ARHGEF28: variants seen among roughly 807,000 people sequenced by gnomAD.
The protein encoded by ARHGEF28 is 190 kDa guanine nucleotide exchange factor.
A neutral mutation model predicts 206.6 loss-of-function variants in ARHGEF28; 152 were observed. The observed-to-expected ratio is 0.74, with a 90% CI of 0.64 to 0.84. The LOEUF is 0.84. Among genes scored for constraint, ARHGEF28 ranks in the 40% least tolerant of loss-of-function variants. The pLI is 0.00. For missense variants in ARHGEF28, 2,028 were observed against 2,073.2 expected (o/e 0.98, Z 0.42); for synonymous variants, 763 against 776.4 (o/e 0.98, Z 0.29).
At chr5:73,866,482 A>G (rs1245288800) in intron 18 of ARHGEF28, among the ~76,000 whole-genome samples, 6 of 152,230 alleles carry the variant, frequency 3.9e-5, no homozygotes, top group Non-Finnish European at 8.8e-5. Flanking sequence ...AAAAGTCTTC[A>G]AATTTGGAGT....
In ARHGEF28 at chr5:73,909,511, C is replaced by G; in HGVS notation, c.4261C>G (p.Pro1421Ala). ...SLGHSILRGGPLQDQKSRDAD... is the reference protein window; with the variant it reads ...SLGHSILRGGALQDQKSRDAD... Reference sequence around the variant, plus strand: ...CGGCCACTCTATCCTCCGAGGCGGCCCCTTGCAGGACCAGAAGTCTCGCGA... The same window carrying G: ...CGGCCACTCTATCCTCCGAGGCGGCGCCTTGCAGGACCAGAAGTCTCGCGA... The change falls in exon 34 of 36, where the codon CCC becomes GCC. Residue 1421 changes from proline to alanine, a missense_variant. Transcript: ENST00000513042. The G allele has an allele frequency of 6.2e-7, 1 of 1,607,218 alleles. No homozygotes were observed. Among genetic ancestry groups the G allele is most frequent in the Non-Finnish European group, 8.5e-7 (1 of 1,176,970 alleles).
chr5:73,671,716 A>T (rs796996203), intron 1 of ARHGEF28, among the ~76,000 whole-genome samples: 2 of 20,072 alleles, frequency 1.0e-4, no homozygotes, highest in Admixed American at 8.5e-4. Context: ...ATATATATAT[A>T]TATATATATA....
chr5:73,658,876 T>C (rs1278117053), intron 1 of ARHGEF28, among the ~76,000 whole-genome samples: 1 of 152,030 alleles, frequency 6.6e-6, no homozygotes, highest in Non-Finnish European at 1.5e-5. Flanking sequence ...GCTCTGTACA[T>C]TCTCATCTGA....
intron 4 of ARHGEF28, among the ~76,000 whole-genome samples, chr5:73,771,284 T>G (rs1023355671): frequency 2.6e-5 from 4 of 152,242 alleles, no homozygotes; most frequent in African/African-American, 4.8e-5. Flanking sequence ...GGCTCATGCC[T>G]GTAATCCCAG....
At chr5:73,763,325 A>C (rs1169820170) in intron 4 of ARHGEF28, among the ~76,000 whole-genome samples, 1 of 152,196 alleles carries the variant, frequency 6.6e-6, no homozygotes, top group East Asian at 1.9e-4. Flanking sequence ...GCTCATACCC[A>C]AAGAGTGTAA....
At chr5:73,692,749 C>T (rs555882419) in intron 2 of ARHGEF28, among the ~76,000 whole-genome samples, 1 of 152,374 alleles carries the variant, frequency 6.6e-6, no homozygotes, top group South Asian at 2.1e-4. Context: ...GGACTCTTCC[C>T]CAGCTCAGGG....
intron 4 of ARHGEF28, among the ~76,000 whole-genome samples, chr5:73,760,762 C>T (rs929144660): frequency 6.6e-6 from 1 of 152,128 alleles, no homozygotes; most frequent in Admixed American, 6.5e-5. Flanking sequence ...TAGAATTAAA[C>T]TTCTAAGGAA....
At chr5:73,636,069 A>G (rs1743698976) in intron 1 of ARHGEF28, among the ~76,000 whole-genome samples, 1 of 152,204 alleles carries the variant, frequency 6.6e-6, no homozygotes, top group Non-Finnish European at 1.5e-5. Flanking sequence ...CTTGATGTTT[A>G]GTTAGAAAAG....
chr5:73,724,329 A>G (rs1750150048), intron 2 of ARHGEF28, among the ~76,000 whole-genome samples: 1 of 152,230 alleles, frequency 6.6e-6, no homozygotes, highest in Admixed American at 6.5e-5. Flanking sequence ...TTTTTGAGAA[A>G]GAATTGCCCA....
intron 1 of ARHGEF28, among the ~76,000 whole-genome samples, 166 bp downstream of exon 1, chr5:73,626,488 G>T (rs543305590): frequency 2.3e-4 from 35 of 152,208 alleles, no homozygotes; most frequent in African/African-American, 8.4e-4. Context: ...CGGCGCGAGG[G>T]CTGGGCGCCG....
intron 1 of ARHGEF28, among the ~76,000 whole-genome samples, chr5:73,653,885 G>A (rs1391429688): frequency 6.6e-6 from 1 of 152,218 alleles, no homozygotes; most frequent in Non-Finnish European, 1.5e-5. Flanking sequence ...AGGTGGAAGT[G>A]TATATGTGGT....
At chr5:73,803,471 C>G (rs113801528) in intron 9 of ARHGEF28, 2 of 154,498 alleles carry the variant, frequency 1.3e-5, no homozygotes, top group Non-Finnish European at 2.9e-5. Flanking sequence ...ATGTTGTCCA[C>G]GAAGAGTTTC....
chr5:73,799,137 T>C (rs1438853858), intron 9 of ARHGEF28, among the ~76,000 whole-genome samples: 1 of 152,070 alleles, frequency 6.6e-6, no homozygotes, highest in Non-Finnish European at 1.5e-5. Flanking sequence ...TTCTTAATCA[T>C]ATTTAATGCC....
At chr5:73,638,662 G>A (rs979052517) in intron 1 of ARHGEF28, among the ~76,000 whole-genome samples, 1 of 152,126 alleles carries the variant, frequency 6.6e-6, no homozygotes, top group African/African-American at 2.4e-5. Flanking sequence ...TTGGGGTACA[G>A]GGTGATTTGA....
chr5:73,794,879 T>G (rs1311555831), intron 8 of ARHGEF28, among the ~76,000 whole-genome samples: 1 of 152,238 alleles, frequency 6.6e-6, no homozygotes, highest in African/African-American at 2.4e-5. Context: ...AGTGCTGGGA[T>G]TACAGGCATG....
Position 73,933,173 on chromosome 5 carries a change from G to C in ARHGEF28, c.4949-7671G>C, listed in dbSNP as rs562796361. ...ATGAACTCAAATTTAAAAGACTGGA[G>C]AATAGAAATCCAAATTCCAAGAAAA... On this transcript the variant is annotated intron_variant, in intron 35 of 35. Coordinates refer to ENST00000513042, the MANE Select transcript of ARHGEF28 (RefSeq NM_001177693.2). 2.6e-5 allele frequency among the ~76,000 whole-genome samples: 4 copies of C among 152,242 alleles called. No individual in the cohort carries two copies. The East Asian group carries it at 5.8e-4, about 22-fold the overall frequency.
intron 35 of ARHGEF28, among the ~76,000 whole-genome samples, chr5:73,917,051 T>C (rs1220319067): frequency 6.6e-6 from 1 of 152,204 alleles, no homozygotes; most frequent in Non-Finnish European, 1.5e-5. Context: ...GCAGAAAATA[T>C]TGAGTCTATA....
intron 4 of ARHGEF28, among the ~76,000 whole-genome samples, chr5:73,757,862 A>C (rs1752397928): frequency 6.6e-6 from 1 of 152,136 alleles, no homozygotes; most frequent in African/African-American, 2.4e-5. Flanking sequence ...AGAATCTCAC[A>C]ATTTATTTTT....
At chr5:73,864,981 A>G in intron 17 of ARHGEF28, 109 bp downstream of exon 17, 1 of 942,240 alleles carries the variant, frequency 1.1e-6, no homozygotes, top group Middle Eastern at 2.2e-4. Context: ...TAAAGCGATC[A>G]TGATAGCGAT....
Sources: gnomAD v4.1 joint callset for allele counts (sites outside exome capture counted in the v4.1 genomes callset) on GRCh38, gnomAD v4.1.1 for gene constraint, MANE v1.5 for transcripts, NCBI Gene and HGNC (gene_info 2026-07-23, HGNC 2026-07-21) for gene names.